CNDP1: variants seen among roughly 807,000 people sequenced by gnomAD.
The protein encoded by CNDP1 is carnosine dipeptidase 1, also known as beta-Ala-His dipeptidase.
Under a neutral mutation model 58.1 loss-of-function variants are expected in CNDP1, and 44 were observed. The ratio of observed to expected loss-of-function variants is 0.76; its 90% CI spans 0.60 to 0.97. CNDP1 has a LOEUF of 0.97. CNDP1 is among the 50% of genes least tolerant of loss of function. The probability of loss-of-function intolerance (pLI) is 0.00; values close to 1 mark genes in which losing one functional copy is unlikely to be tolerated. For missense variants in CNDP1, 616 were observed against 655.1 expected, an observed-to-expected ratio of 0.94 and a Z score of 0.65; for synonymous variants, 254 against 252.6, an observed-to-expected ratio of 1.01 and a Z score of -0.05.
At chr18:74,540,268 C>T (rs1980585884) in intron 1 of CNDP1, among the ~76,000 whole-genome samples, 1 of 151,298 alleles carries the variant, frequency 6.6e-6, no homozygotes, top group South Asian at 2.1e-4. Context: ...AGCGATTCTT[C>T]TGCCTCAGAC....
At chr18:74,572,687 C>A (rs1981509395) in intron 7 of CNDP1, among the ~76,000 whole-genome samples, 1 of 149,664 alleles carries the variant, frequency 6.7e-6, no homozygotes, top group Non-Finnish European at 1.5e-5. Context: ...ATTTAAGGGG[C>A]TGAGGCAGGA....
intron 1 of CNDP1, among the ~76,000 whole-genome samples, chr18:74,550,146 G>A (rs1253093335): frequency 6.6e-6 from 1 of 152,204 alleles, no homozygotes; most frequent in East Asian, 1.9e-4. Flanking sequence ...GAAGCTGTGA[G>A]AAGGGGGCCA....
chr18:74,572,156 G>C (rs749628979), intron 7 of CNDP1, among the ~76,000 whole-genome samples: 1 of 152,024 alleles, frequency 6.6e-6, no homozygotes, highest in Admixed American at 6.6e-5. Context: ...CGAGTTCCCC[G>C]ATTGTCCTGG....
chr18:74,554,642 G>A lies in CNDP1; in HGVS notation c.25-1696G>A, dbSNP rs188554290. 1.8e-3 allele frequency among the ~76,000 whole-genome samples: 279 copies of A among 152,306 alleles called. 1 individual carries two copies. The highest frequency in any genetic ancestry group is 2.1e-3 in the Non-Finnish European group (144 of 68,020). On this transcript the variant is annotated intron_variant, in intron 1 of 11. Coordinates refer to ENST00000358821, the MANE Select transcript of CNDP1 (RefSeq NM_032649.6). ...CAGCAATGCATTTGGGAACACATGGGAAGTGATGGAGGGGCCCTGCATGGT... is the reference window on the plus strand; with the variant it reads ...CAGCAATGCATTTGGGAACACATGGAAAGTGATGGAGGGGCCCTGCATGGT...
chr18:74,575,789 AT>A (rs1227681548), intron 7 of CNDP1, among the ~76,000 whole-genome samples: 3 of 146,004 alleles, frequency 2.1e-5, no homozygotes, highest in Non-Finnish European at 4.5e-5. Context: ...GATGACAAAA[AT>A]TTTTGGTTTC....
chr18:74,559,652 G>A (rs1981137065), intron 3 of CNDP1, among the ~76,000 whole-genome samples, 180 bp downstream of exon 3: 1 of 152,152 alleles, frequency 6.6e-6, no homozygotes, highest in Non-Finnish European at 1.5e-5. Context: ...TTGCTTTCCA[G>A]TCTTGTCAGG....
chr18:74,560,951 GGAC>G lies in CNDP1; in HGVS notation c.401_403del (p.Asp134del). The G allele has an allele frequency of 1.2e-6, 2 of 1,614,180 alleles. No homozygotes were observed. Reference sequence around the variant, plus strand: ...GCACCGTGTGCTTCTACGGCCACTTGGACGTGCAGCCTGCTGACCGGGGCGATG... The same window carrying G: ...GCACCGTGTGCTTCTACGGCCACTTGGTGCAGCCTGCTGACCGGGGCGATG... On this transcript the variant is annotated inframe_deletion, in exon 4 of 12. Coordinates refer to ENST00000358821, the MANE Select transcript of CNDP1 (RefSeq NM_032649.6).
chr18:74,540,808 G>C (rs1330456603), intron 1 of CNDP1, among the ~76,000 whole-genome samples: 1 of 152,158 alleles, frequency 6.6e-6, no homozygotes, highest in Non-Finnish European at 1.5e-5. Flanking sequence ...ATGTGAAGAC[G>C]CAATAAAAAT....
At chr18:74,560,624 C>G (rs1981164854) in intron 3 of CNDP1, among the ~76,000 whole-genome samples, 4 of 152,004 alleles carry the variant, frequency 2.6e-5, no homozygotes, top group Admixed American at 6.6e-5. Flanking sequence ...GGGAGAATCA[C>G]TTGAGCCTGG....
At chr18:74,582,644 A>G (rs1236227660) in intron 10 of CNDP1, among the ~76,000 whole-genome samples, 1 of 152,232 alleles carries the variant, frequency 6.6e-6, no homozygotes, top group Non-Finnish European at 1.5e-5. Flanking sequence ...ATATTTTACA[A>G]AACTACCGAC....
At chr18:74,557,780 T>C (rs1981081053) in intron 2 of CNDP1, among the ~76,000 whole-genome samples, 1 of 152,206 alleles carries the variant, frequency 6.6e-6, no homozygotes, top group East Asian at 1.9e-4. Context: ...TCAACCAATT[T>C]TGGGAATATT....
intron 1 of CNDP1, among the ~76,000 whole-genome samples, chr18:74,540,894 C>T (rs1157354210): frequency 6.6e-6 from 1 of 152,218 alleles, no homozygotes; most frequent in Non-Finnish European, 1.5e-5. Context: ...ATCCCTAACT[C>T]ACTCCAGCAC....
At chr18:74,575,065 A>G (rs947706679) in intron 7 of CNDP1, among the ~76,000 whole-genome samples, 1 of 148,992 alleles carries the variant, frequency 6.7e-6, no homozygotes, top group Non-Finnish European at 1.5e-5. Flanking sequence ...AGGAAAGAAG[A>G]AAGAAGGAAG....
Position 74,585,116 on chromosome 18 carries a change from T to G in CNDP1, c.*554T>G, listed in dbSNP as rs1265096704. The G allele has an allele frequency of 1.3e-5, 2 of 152,408 alleles. No individual in the cohort carries two copies. Among genetic ancestry groups the G allele is most frequent in the East Asian group, 3.8e-4 (2 of 5,202 alleles). The allele number at this position is 152,408 out of a possible 1,614,324, so 9.4% of individuals were successfully genotyped here. On this transcript the variant is annotated 3_prime_UTR_variant, in exon 12 of 12. Transcript: ENST00000358821. Reference sequence around the variant, plus strand: ...TCCCCTTCATTTATTTTTTCCCACTTCTTGAAAAGTTCCGAAGCTGAAATG... The same window carrying G: ...TCCCCTTCATTTATTTTTTCCCACTGCTTGAAAAGTTCCGAAGCTGAAATG...
intron 7 of CNDP1, among the ~76,000 whole-genome samples, chr18:74,575,096 AGAAAAAAGAAG>A (rs148444741): frequency 5.9e-5 from 9 of 151,746 alleles, no homozygotes; most frequent in South Asian, 2.1e-4. Flanking sequence ...AAGGAAGGAA[AGAAAAAAGAAG>A]GAAAGAAAGG....
At chr18:74,563,294 G>A (rs1162115623) in intron 5 of CNDP1, among the ~76,000 whole-genome samples, 5 of 152,126 alleles carry the variant, frequency 3.3e-5, no homozygotes, top group African/African-American at 9.6e-5. Context: ...CCTGAAGCTC[G>A]CATCACATAC....
intron 5 of CNDP1, among the ~76,000 whole-genome samples, chr18:74,563,270 G>A (rs1374209563): frequency 6.6e-6 from 1 of 152,064 alleles, no homozygotes; most frequent in African/African-American, 2.4e-5. Context: ...CCACTGCAAA[G>A]GTGTCTTCTT....
chr18:74,556,961 G>A (rs1005115603), intron 2 of CNDP1, among the ~76,000 whole-genome samples: 2 of 152,188 alleles, frequency 1.3e-5, no homozygotes, highest in African/African-American at 2.4e-5. Context: ...TGTCACCCAG[G>A]CTTGAGTGCA....
At chr18:74,548,497 G>A (rs1980819495) in intron 1 of CNDP1, among the ~76,000 whole-genome samples, 1 of 152,116 alleles carries the variant, frequency 6.6e-6, no homozygotes, top group Non-Finnish European at 1.5e-5. Context: ...AGAACCATGA[G>A]CCAATTACAC....
Sources: gnomAD v4.1 joint callset for allele counts (sites outside exome capture counted in the v4.1 genomes callset) on GRCh38, gnomAD v4.1.1 for gene constraint, MANE v1.5 for transcripts, NCBI Gene and HGNC (gene_info 2026-07-23, HGNC 2026-07-21) for gene names.